The following ZFPM2 variants were observed in gnomAD, a reference collection of about 807,000 sequenced individuals.
The protein encoded by ZFPM2 is zinc finger protein ZFPM2.
Under a neutral mutation model 98.6 loss-of-function variants are expected in ZFPM2, and 20 were observed. That is an observed-to-expected ratio of 0.20 (90% CI 0.14 to 0.29). ZFPM2 has a LOEUF of 0.29. Ranked by LOEUF, ZFPM2 falls within the 10% of genes least tolerant of loss-of-function variation. The pLI is 1.00. For missense variants in ZFPM2, 1,310 were observed against 1,388.6 expected (o/e 0.94, Z 0.90); for synonymous variants, 518 against 502.7 (o/e 1.03, Z -0.41).
intron 5 of ZFPM2, among the ~76,000 whole-genome samples, chr8:105,711,530 G>T (rs2130977514): frequency 6.6e-6 from 1 of 152,060 alleles, no homozygotes; most frequent in African/African-American, 2.4e-5. Flanking sequence ...CATACTCTTT[G>T]TAATTCCTAT....
chr8:105,569,950 A>G (rs1815320054), intron 4 of ZFPM2, among the ~76,000 whole-genome samples: 1 of 152,194 alleles, frequency 6.6e-6, no homozygotes, highest in Admixed American at 6.5e-5. Context: ...GATTGTTCCA[A>G]GAGAAGACAA....
At chr8:105,673,480 C>T (rs1817635920) in intron 5 of ZFPM2, among the ~76,000 whole-genome samples, 1 of 151,952 alleles carries the variant, frequency 6.6e-6, no homozygotes, top group Non-Finnish European at 1.5e-5. Context: ...TCTATGAGAA[C>T]TGAGCATGAC....
Position 105,790,203 on chromosome 8 carries a change from G to A in ZFPM2, c.739+1279G>A, listed in dbSNP as rs1179514677. 6.0e-5 allele frequency among the ~76,000 whole-genome samples: 9 copies of A among 151,110 alleles called. No individual in the cohort carries two copies. The South Asian group carries it at 1.7e-3, about 28-fold the overall frequency. The stretch of plus-strand genomic sequence containing the variant: ...GGTAATGCCTAGGTTTTCTTCTAGG[G>A]TTTTTATGGTTTTAGGTCTAACATT... On this transcript the variant is annotated intron_variant, in intron 6 of 7. Transcript: ENST00000407775.
At chr8:105,439,865 C>G (rs991930146) in intron 2 of ZFPM2, among the ~76,000 whole-genome samples, 1 of 152,170 alleles carries the variant, frequency 6.6e-6, no homozygotes, top group Non-Finnish European at 1.5e-5. Context: ...GAGTGATACT[C>G]CATTTAGTCT....
At chr8:105,631,829 G>A (rs1254284211) in intron 4 of ZFPM2, among the ~76,000 whole-genome samples, 1 of 152,154 alleles carries the variant, frequency 6.6e-6, no homozygotes, top group Admixed American at 6.5e-5. Context: ...TCTAAAGAAT[G>A]TAAGTGATCA....
At chr8:105,472,297 A>T (rs1812919969) in intron 3 of ZFPM2, among the ~76,000 whole-genome samples, 1 of 152,232 alleles carries the variant, frequency 6.6e-6, no homozygotes, top group South Asian at 2.1e-4. Flanking sequence ...AAGTAACTAC[A>T]TTATGAATTC....
At chr8:105,709,351 G>C (rs1306248264) in intron 5 of ZFPM2, among the ~76,000 whole-genome samples, 1 of 152,086 alleles carries the variant, frequency 6.6e-6, no homozygotes, top group East Asian at 1.9e-4. Context: ...ACTGGCCTTA[G>C]GCATATCTTA....
intron 6 of ZFPM2, among the ~76,000 whole-genome samples, chr8:105,792,023 G>C (rs1480894383): frequency 2.0e-5 from 3 of 151,488 alleles, no homozygotes; most frequent in Non-Finnish European, 4.4e-5. Flanking sequence ...CAATTTTGTT[G>C]ATCCTTTCAA....
At chr8:105,572,314 G>A (rs1815375087) in intron 4 of ZFPM2, among the ~76,000 whole-genome samples, 1 of 152,064 alleles carries the variant, frequency 6.6e-6, no homozygotes, top group Admixed American at 6.5e-5. Flanking sequence ...GGGATTACAG[G>A]CGTGAGCCAC....
chr8:105,646,653 T>A (rs1817053839), intron 5 of ZFPM2, among the ~76,000 whole-genome samples: 1 of 152,138 alleles, frequency 6.6e-6, no homozygotes, highest in Non-Finnish European at 1.5e-5. Flanking sequence ...TGACAATCCA[T>A]TCATGGTAAT....
chr8:105,618,464 T>C (rs1283666205), intron 4 of ZFPM2, among the ~76,000 whole-genome samples: 1 of 152,172 alleles, frequency 6.6e-6, no homozygotes, highest in Non-Finnish European at 1.5e-5. Context: ...AGAATTTTAG[T>C]ACTTCATTAT....
At chr8:105,736,852 A>C (rs1812084441) in intron 5 of ZFPM2, among the ~76,000 whole-genome samples, 1 of 152,106 alleles carries the variant, frequency 6.6e-6, no homozygotes, top group African/African-American at 2.4e-5. Flanking sequence ...TCCTATAAAT[A>C]ATATCTCTAA....
intron 5 of ZFPM2, among the ~76,000 whole-genome samples, chr8:105,734,876 G>A (rs1017754697): frequency 4.6e-5 from 7 of 151,074 alleles, no homozygotes; most frequent in African/African-American, 1.7e-4. Flanking sequence ...TTCCCATGAG[G>A]CTTATAATTT....
chr8:105,433,895 A>G (rs1812069042), intron 2 of ZFPM2, among the ~76,000 whole-genome samples: 1 of 152,224 alleles, frequency 6.6e-6, no homozygotes, highest in South Asian at 2.1e-4. Context: ...TCAAATGTAT[A>G]GCCAAATAAA....
At chr8:105,325,233 A>G (rs975502149) in intron 1 of ZFPM2, among the ~76,000 whole-genome samples, 9 of 151,934 alleles carry the variant, frequency 5.9e-5, no homozygotes, top group African/African-American at 1.9e-4. Context: ...GTAAGTATGT[A>G]TCGTTTAATA....
At chr8:105,695,063 T>A (rs1810982416) in intron 5 of ZFPM2, among the ~76,000 whole-genome samples, 1 of 152,162 alleles carries the variant, frequency 6.6e-6, no homozygotes, top group Non-Finnish European at 1.5e-5. Flanking sequence ...AGAATTTGAA[T>A]CCGGATCTAT....
chr8:105,469,613 C>A (rs1162189573), intron 3 of ZFPM2, among the ~76,000 whole-genome samples: 3 of 152,122 alleles, frequency 2.0e-5, no homozygotes, highest in African/African-American at 7.2e-5. Context: ...TTGAGCAAGT[C>A]CCTTAATCTT....
intron 3 of ZFPM2, among the ~76,000 whole-genome samples, chr8:105,497,510 T>G (rs1457229951): frequency 6.6e-6 from 1 of 152,206 alleles, no homozygotes; most frequent in Non-Finnish European, 1.5e-5. Flanking sequence ...TTGGTATAAT[T>G]TATTGATTTA....
intron 3 of ZFPM2, among the ~76,000 whole-genome samples, chr8:105,552,439 A>G (rs1814878369): frequency 6.6e-6 from 1 of 152,158 alleles, no homozygotes; most frequent in Admixed American, 6.5e-5. Context: ...GTTGTCTAGA[A>G]GGTCAGGGAA....
Sources: allele counts gnomAD v4.1 joint callset (sites outside exome capture counted in the v4.1 genomes callset), GRCh38; gene constraint gnomAD v4.1.1; transcripts MANE v1.5; gene names NCBI Gene and HGNC (gene_info 2026-07-23, HGNC 2026-07-21).